The following LRRC4C variants were observed in gnomAD, a reference collection of about 807,000 sequenced individuals.
LRRC4C encodes leucine rich repeat containing 4C, also known as leucine-rich repeat-containing protein 4C.
A neutral mutation model predicts 33.6 loss-of-function variants in LRRC4C; 5 were observed. The ratio of observed to expected loss-of-function variants is 0.15; its 90% confidence interval spans 0.08 to 0.31. The LOEUF (loss-of-function observed/expected upper bound fraction) is 0.31. Among genes scored for constraint, LRRC4C ranks in the 10% least tolerant of loss-of-function variants. The probability of loss-of-function intolerance (pLI) is 1.00; values close to 1 mark genes in which losing one functional copy is unlikely to be tolerated. For missense variants in LRRC4C, 560 were observed against 796.7 expected, an observed-to-expected ratio of 0.70 and a Z score of 3.58; for synonymous variants, 329 against 302.0, an observed-to-expected ratio of 1.09 and a Z score of -0.93.
In LRRC4C at chr11:40,646,516, T is replaced by C. The variant is rs1213362059; in HGVS notation, c.-270+1626A>G. 2.0e-5 allele frequency among the ~76,000 whole-genome samples: 3 copies of C among 152,090 alleles called. No individual in the cohort carries two copies. The South Asian group carries it at 6.2e-4, about 32-fold the overall frequency. ...AACAAAAGAGCCTAAGGAAACAACA[T>C]CCTTCCCTGTGTATAAATAGAAAGA... On this transcript the variant is annotated intron_variant, in intron 3 of 6. Transcript: ENST00000528697.
intron 3 of LRRC4C, among the ~76,000 whole-genome samples, chr11:40,462,220 TCATAA>T (rs1211361789): frequency 6.6e-6 from 1 of 152,206 alleles, no homozygotes; most frequent in Admixed American, 6.6e-5. Flanking sequence ...TTCTTTCTAT[TCATAA>T]CATAAGAGTT....
chr11:41,014,725 C>A (rs951427317), intron 1 of LRRC4C, among the ~76,000 whole-genome samples: 2 of 152,040 alleles, frequency 1.3e-5, no homozygotes, highest in East Asian at 3.9e-4. Context: ...TGGACCAGGG[C>A]AAAGTGTAAG....
intron 5 of LRRC4C, among the ~76,000 whole-genome samples, chr11:40,197,321 C>T (rs369587900): frequency 2.0e-5 from 3 of 152,158 alleles, no homozygotes; most frequent in African/African-American, 4.8e-5. Context: ...ATCAGACCGG[C>T]ACTCACCTAT....
intron 2 of LRRC4C, among the ~76,000 whole-genome samples, chr11:40,910,614 C>G (rs1956628177): frequency 6.6e-6 from 1 of 152,162 alleles, no homozygotes; most frequent in Admixed American, 6.5e-5. Context: ...CTACAGCTCC[C>G]AGCGTGAGCA....
chr11:41,367,707 C>G (rs1952596801), intron 1 of LRRC4C, among the ~76,000 whole-genome samples: 1 of 151,942 alleles, frequency 6.6e-6, no homozygotes, highest in Non-Finnish European at 1.5e-5. Flanking sequence ...GGTATGGGCT[C>G]CCTAGAAATC....
chr11:41,141,934 T>C (rs908206707), intron 1 of LRRC4C, among the ~76,000 whole-genome samples: 2 of 152,088 alleles, frequency 1.3e-5, no homozygotes, highest in African/African-American at 4.8e-5. Flanking sequence ...AAAATTAGTC[T>C]GTGTATTAAT....
intron 1 of LRRC4C, among the ~76,000 whole-genome samples, chr11:41,417,533 G>A (rs1235395461): frequency 1.3e-5 from 2 of 152,006 alleles, no homozygotes; most frequent in African/African-American, 2.4e-5. Context: ...TTTGGCATAG[G>A]TCTAAACTTA....
intron 2 of LRRC4C, among the ~76,000 whole-genome samples, chr11:40,829,118 T>C (rs1952295028): frequency 6.6e-6 from 1 of 152,000 alleles, no homozygotes; most frequent in Non-Finnish European, 1.5e-5. Flanking sequence ...GATTATATCA[T>C]CATAAACTAG....
rs571875275 is a variant in LRRC4C at position 40,169,598 on chromosome 11, A to G, written c.-95-28745T>C. On this transcript the variant is annotated intron_variant, in intron 5 of 6. Transcript: ENST00000528697. ...ATTTGCAATATAATACTTTGATTTC[A>G]TAACACCTGCTCAAAATGCTATGTT... 3.9e-5 allele frequency among the ~76,000 whole-genome samples: 6 copies of G among 152,350 alleles called. No homozygotes were observed. In the South Asian group the frequency reaches 1.2e-3, roughly 32 times the overall value.
intron 2 of LRRC4C, among the ~76,000 whole-genome samples, chr11:40,886,025 T>C (rs542453267): frequency 1.1e-4 from 16 of 152,214 alleles, no homozygotes; most frequent in African/African-American, 3.4e-4. Context: ...TGCCCAAGAA[T>C]GTAGGCAGAA....
At chr11:41,194,527 T>A (rs1482977784) in intron 1 of LRRC4C, among the ~76,000 whole-genome samples, 1 of 152,140 alleles carries the variant, frequency 6.6e-6, no homozygotes, top group Non-Finnish European at 1.5e-5. Flanking sequence ...GCCAGGAGAT[T>A]ATTTCCCTTG....
chr11:40,164,402 C>T (rs146153072), intron 5 of LRRC4C, among the ~76,000 whole-genome samples: 7 of 152,260 alleles, frequency 4.6e-5, no homozygotes, highest in East Asian at 1.9e-4. Context: ...CCACTATGCC[C>T]GGCTAATTTT....
chr11:40,124,496 C>A (rs964824229), intron 6 of LRRC4C, among the ~76,000 whole-genome samples: 1 of 152,178 alleles, frequency 6.6e-6, no homozygotes, highest in Non-Finnish European at 1.5e-5. Context: ...GAGAAACTAT[C>A]ACTTGCAACA....
chr11:40,830,284 C>A (rs1404750044), intron 2 of LRRC4C, among the ~76,000 whole-genome samples: 1 of 152,050 alleles, frequency 6.6e-6, no homozygotes, highest in Non-Finnish European at 1.5e-5. Flanking sequence ...CTCAACTTTC[C>A]ACTTCTTTGT....
At chr11:41,191,067 T>C (rs1218272970) in intron 1 of LRRC4C, among the ~76,000 whole-genome samples, 1 of 152,174 alleles carries the variant, frequency 6.6e-6, no homozygotes, top group Admixed American at 6.6e-5. Flanking sequence ...CCAGCTATTT[T>C]CTCTTTAAGG....
chr11:40,859,990 G>A (rs1953995765), intron 2 of LRRC4C, among the ~76,000 whole-genome samples: 2 of 152,050 alleles, frequency 1.3e-5, no homozygotes, highest in African/African-American at 4.8e-5. Flanking sequence ...GTAGGCTGAG[G>A]CAGGAGAATG....
chr11:40,911,388 C>A (rs745312287), intron 2 of LRRC4C, among the ~76,000 whole-genome samples: 13 of 152,144 alleles, frequency 8.5e-5, no homozygotes, highest in Non-Finnish European at 1.5e-4. Context: ...TGCTGTTCAC[C>A]AATATCCGCT....
At chr11:40,702,982 T>C (rs1462063263) in intron 2 of LRRC4C, among the ~76,000 whole-genome samples, 4 of 152,234 alleles carry the variant, frequency 2.6e-5, no homozygotes, top group South Asian at 2.1e-4. Context: ...TAGGATTCCA[T>C]AGCCATAGTT....
At chr11:41,409,418 T>C (rs1434782777) in intron 1 of LRRC4C, among the ~76,000 whole-genome samples, 2 of 152,246 alleles carry the variant, frequency 1.3e-5, no homozygotes, top group African/African-American at 4.8e-5. Context: ...AGTTGCTTAC[T>C]TTCTGACAGG....
Sources: gnomAD v4.1 joint callset for allele counts (sites outside exome capture counted in the v4.1 genomes callset) on GRCh38, gnomAD v4.1.1 for gene constraint, MANE v1.5 for transcripts, NCBI Gene and HGNC (gene_info 2026-07-23, HGNC 2026-07-21) for gene names.